The following BMAL2 variants were observed in gnomAD, a reference collection of about 807,000 sequenced individuals.
BMAL2 encodes basic helix-loop-helix ARNT-like protein 2.
the BMAL2 span, among the ~76,000 whole-genome samples, chr12:27,382,810 A>T: frequency 2.6e-5 from 4 of 152,238 alleles, no homozygotes; most frequent in East Asian, 7.7e-4. Context: ...TTTTCACTAT[A>T]CTCTACAGCA....
chr12:27,417,237 G>A, the BMAL2 span, among the ~76,000 whole-genome samples: 1 of 152,192 alleles, frequency 6.6e-6, no homozygotes, highest in Non-Finnish European at 1.5e-5. Context: ...TGTTTGGCCT[G>A]TAACTATATA....
At chr12:27,403,523 A>G in the BMAL2 span, 1 of 1,598,738 alleles carries the variant, frequency 6.3e-7, no homozygotes, top group South Asian at 1.1e-5. Context: ...ATTGCAAATG[A>G]AATTCTGGAT....
At chr12:27,383,100 T>C in the BMAL2 span, among the ~76,000 whole-genome samples, 1 of 152,180 alleles carries the variant, frequency 6.6e-6, no homozygotes, top group Non-Finnish European at 1.5e-5. Context: ...TGAAGCACAG[T>C]GGTTCACACG....
chr12:27,333,156 C>G, the BMAL2 span: 1 of 1,200,684 alleles, frequency 8.3e-7, no homozygotes, highest in African/African-American at 1.6e-5. Context: ...CGGCGTCTGA[C>G]GCGCTGGGGG....
the BMAL2 span, chr12:27,380,116 C>A: frequency 1.2e-6 from 1 of 852,280 alleles, no homozygotes; most frequent in Non-Finnish European, 1.8e-6. Flanking sequence ...TCACTGACAA[C>A]TGCAGGGCCC....
At chr12:27,351,146 A>C in the BMAL2 span, among the ~76,000 whole-genome samples, 1 of 151,550 alleles carries the variant, frequency 6.6e-6, no homozygotes, top group South Asian at 2.1e-4. Flanking sequence ...GTGCCACCAC[A>C]CCCTGCTAAC....
the BMAL2 span, among the ~76,000 whole-genome samples, chr12:27,410,677 A>G: frequency 1.3e-5 from 2 of 152,176 alleles, no homozygotes; most frequent in Non-Finnish European, 2.9e-5. Context: ...GCACACCAAC[A>G]TGTCACATGT....
the BMAL2 span, among the ~76,000 whole-genome samples, chr12:27,408,208 A>G: frequency 6.6e-6 from 1 of 152,138 alleles, no homozygotes; most frequent in African/African-American, 2.4e-5. Context: ...ATTCCAATCA[A>G]TAGAAAAAGA....
At chr12:27,376,771 C>G in the BMAL2 span, among the ~76,000 whole-genome samples, 1 of 151,874 alleles carries the variant, frequency 6.6e-6, no homozygotes, top group African/African-American at 2.4e-5. Flanking sequence ...GAGGCCGAGG[C>G]AGGTGGATCA....
chr12:27,380,197 T>TG, the BMAL2 span: 3 of 1,579,792 alleles, frequency 1.9e-6, no homozygotes, highest in Admixed American at 3.4e-5. Flanking sequence ...CGGGGGTGAC[T>TG]GGGGGTCTGC....
At chr12:27,391,104 A>G in the BMAL2 span, among the ~76,000 whole-genome samples, 2 of 152,182 alleles carry the variant, frequency 1.3e-5, no homozygotes, top group Non-Finnish European at 2.9e-5. Context: ...TACAGGGACT[A>G]CATGTGCAGG....
At chr12:27,399,364 G>T in the BMAL2 span, among the ~76,000 whole-genome samples, 8 of 152,120 alleles carry the variant, frequency 5.3e-5, no homozygotes, top group Admixed American at 5.2e-4. Context: ...TCAGCAAATG[G>T]TGTGGCATTA....
chr12:27,376,228 T>C, the BMAL2 span: 37 of 889,996 alleles, frequency 4.2e-5, no homozygotes, highest in African/African-American at 5.7e-4. Context: ...CATTTACAGC[T>C]AAGGATTTTA....
the BMAL2 span, among the ~76,000 whole-genome samples, chr12:27,347,592 A>AT: frequency 1.3e-5 from 2 of 152,224 alleles, no homozygotes; most frequent in African/African-American, 4.8e-5. Context: ...GTGGCCATCC[A>AT]TATAGGGGAA....
the BMAL2 span, among the ~76,000 whole-genome samples, chr12:27,412,600 T>C: frequency 6.6e-6 from 1 of 151,916 alleles, no homozygotes; most frequent in Non-Finnish European, 1.5e-5. Context: ...AGAAAGCCCA[T>C]AGGACTTATG....
chr12:27,413,739 C>G, the BMAL2 span, among the ~76,000 whole-genome samples: 1 of 152,180 alleles, frequency 6.6e-6, no homozygotes, highest in Non-Finnish European at 1.5e-5. Flanking sequence ...CAACTGTGTG[C>G]TGCAACCAGT....
chr12:27,409,847 G>A, the BMAL2 span, among the ~76,000 whole-genome samples: 2 of 152,012 alleles, frequency 1.3e-5, no homozygotes, highest in African/African-American at 2.4e-5. Flanking sequence ...TCTACTCATC[G>A]GACAAAGGGC....
the BMAL2 span, among the ~76,000 whole-genome samples, chr12:27,409,878 G>T: frequency 5.3e-5 from 8 of 152,076 alleles, no homozygotes; most frequent in Admixed American, 5.2e-4. Flanking sequence ...AATCTACAAT[G>T]AACTCCAACA....
chr12:27,364,961 G>T, the BMAL2 span, among the ~76,000 whole-genome samples: 1 of 151,950 alleles, frequency 6.6e-6, no homozygotes, highest in Non-Finnish European at 1.5e-5. Context: ...AAAGGCAATT[G>T]ATTTTTACAT....
Sources: gnomAD v4.1 joint callset for allele counts (sites outside exome capture counted in the v4.1 genomes callset) on GRCh38, gnomAD v4.1.1 for gene constraint, MANE v1.5 for transcripts, NCBI Gene and HGNC (gene_info 2026-07-23, HGNC 2026-07-21) for gene names.